DAAM1: variants seen among roughly 807,000 people sequenced by gnomAD.
DAAM1 encodes the protein disheveled-associated activator of morphogenesis 1.
Under a neutral mutation model 130.0 loss-of-function variants are expected in DAAM1, and 52 were observed. The observed-to-expected ratio is 0.40, with a 90% CI of 0.32 to 0.50. The LOEUF is 0.50. DAAM1 is among the 20% of genes least tolerant of loss of function. DAAM1 has a pLI of 0.61. For synonymous variants in DAAM1, 452 were observed against 444.5 expected (o/e 1.02, Z -0.21); for missense variants, 1,134 against 1,303.8 (o/e 0.87, Z 2.01).
intron 6 of DAAM1, among the ~76,000 whole-genome samples, chr14:59,323,680 T>C (rs1885103014): frequency 6.6e-6 from 1 of 152,200 alleles, no homozygotes. Flanking sequence ...TTTTTAGGAC[T>C]GTTCTTAAGG....
chr14:59,217,350 G>A (rs918238048), intron 1 of DAAM1, among the ~76,000 whole-genome samples: 3 of 152,100 alleles, frequency 2.0e-5, no homozygotes, highest in Non-Finnish European at 4.4e-5. Flanking sequence ...TACTGTGTCT[G>A]CATTACAATT....
chr14:59,348,269 T>C (rs1444078182), intron 17 of DAAM1, among the ~76,000 whole-genome samples: 13 of 152,226 alleles, frequency 8.5e-5, no homozygotes, highest in Admixed American at 8.5e-4. Flanking sequence ...CTTGTTATAA[T>C]TTTTATTATC....
At chr14:59,191,615 A>T (rs957755425) in intron 1 of DAAM1, among the ~76,000 whole-genome samples, 3 of 152,190 alleles carry the variant, frequency 2.0e-5, no homozygotes, top group African/African-American at 7.2e-5. Flanking sequence ...TGAAATAGAC[A>T]TATTTCCTAA....
At chr14:59,251,436 T>G (rs79971900) in intron 1 of DAAM1, among the ~76,000 whole-genome samples, 1 of 82,226 alleles carries the variant, frequency 1.2e-5, no homozygotes, top group Non-Finnish European at 3.1e-5. Flanking sequence ...CTCCGCCGTG[T>G]TTTTTTTTTT....
chr14:59,283,031 C>T (rs1312674161), intron 2 of DAAM1, among the ~76,000 whole-genome samples: 1 of 152,076 alleles, frequency 6.6e-6, no homozygotes, highest in East Asian at 1.9e-4. Flanking sequence ...TCAGCAGAAG[C>T]AGAAGTTATC....
At chr14:59,318,712 CAT>C (rs1380535829) in intron 4 of DAAM1, among the ~76,000 whole-genome samples, 2 of 152,062 alleles carry the variant, frequency 1.3e-5, no homozygotes, top group Admixed American at 6.6e-5. Context: ...AAAAATCACA[CAT>C]AGAAAATGTT....
At chr14:59,192,881 G>A (rs1005552776) in intron 1 of DAAM1, among the ~76,000 whole-genome samples, 2 of 152,190 alleles carry the variant, frequency 1.3e-5, no homozygotes, top group Admixed American at 6.5e-5. Flanking sequence ...GGGAAACCCC[G>A]TCTCTACTAA....
chr14:59,189,891 T>A (rs1166935649), intron 1 of DAAM1, among the ~76,000 whole-genome samples: 18 of 152,178 alleles, frequency 1.2e-4, no homozygotes, highest in Non-Finnish European at 1.5e-5. Flanking sequence ...ATGCCTGAAC[T>A]CCATTCCCCT....
chr14:59,236,918 A>G (rs1889322946), intron 1 of DAAM1, among the ~76,000 whole-genome samples: 1 of 152,318 alleles, frequency 6.6e-6, no homozygotes, highest in African/African-American at 2.4e-5. Context: ...GTAAGGGGCT[A>G]TGTAGTACAC....
chr14:59,350,454 G>A (rs1258104385), intron 17 of DAAM1, among the ~76,000 whole-genome samples: 1 of 38,586 alleles, frequency 2.6e-5, no homozygotes, highest in Admixed American at 3.8e-4. Flanking sequence ...TCATGCACAC[G>A]CCCCTTACAC....
chr14:59,348,266 T>C (rs997300149), intron 17 of DAAM1, among the ~76,000 whole-genome samples: 1 of 152,226 alleles, frequency 6.6e-6, no homozygotes, highest in African/African-American at 2.4e-5. Context: ...TATCTTGTTA[T>C]AATTTTTATT....
intron 1 of DAAM1, among the ~76,000 whole-genome samples, chr14:59,217,806 A>G (rs1436308923): frequency 6.6e-6 from 1 of 151,356 alleles, no homozygotes; most frequent in East Asian, 1.9e-4. Context: ...CTCTGTCTGT[A>G]CTAAAAAAAA....
intron 1 of DAAM1, among the ~76,000 whole-genome samples, chr14:59,213,316 G>T (rs1353967166): frequency 9.1e-6 from 1 of 109,498 alleles, no homozygotes; most frequent in Non-Finnish European, 1.7e-5. Context: ...TTCTCCATGA[G>T]ATTTCATTTG....
intron 22 of DAAM1, 53 bp downstream of exon 22, chr14:59,360,915 T>C: frequency 6.4e-7 from 1 of 1,553,230 alleles, no homozygotes; most frequent in Non-Finnish European, 8.8e-7. Flanking sequence ...CTATCTCTAG[T>C]GCTGGTGGTT....
In DAAM1 at chr14:59,330,539, C is replaced by T; in HGVS notation, c.1411C>T (p.Arg471Ter). 2.5e-6 allele frequency: 4 copies of T among 1,612,164 alleles called. No individual in the cohort carries two copies. Among genetic ancestry groups the T allele is most frequent in the Non-Finnish European group, 2.5e-6 (3 of 1,179,330 alleles). The change falls in exon 13 of 25, where the codon CGA becomes TGA. Residue 471 changes from arginine to a stop codon, truncating the protein, a stop_gained. Coordinates refer to ENST00000360909, the MANE Select transcript of DAAM1 (RefSeq NM_001270520.2). LOFTEE classifies it high-confidence loss of function. ...ELQQKLEKKE[R>*]ECDAKTQEKE... is the part of the protein sequence containing the mutation. Reference sequence around the variant, plus strand: ...ACAACAGAAACTGGAAAAGAAAGAACGAGAATGTGATGCTAAGACTCAAGA... The same window carrying T: ...ACAACAGAAACTGGAAAAGAAAGAATGAGAATGTGATGCTAAGACTCAAGA...
At chr14:59,189,207 C>A (rs1222849715) in intron 1 of DAAM1, among the ~76,000 whole-genome samples, 2 of 152,078 alleles carry the variant, frequency 1.3e-5, no homozygotes, top group Non-Finnish European at 2.9e-5. Context: ...AGAGGGAGAA[C>A]CCCGAGGCAG....
At chr14:59,196,989 C>A (rs1244647479) in intron 1 of DAAM1, among the ~76,000 whole-genome samples, 1 of 151,996 alleles carries the variant, frequency 6.6e-6, no homozygotes, top group Non-Finnish European at 1.5e-5. Flanking sequence ...GGCGCGATCT[C>A]GGCTCACTGC....
rs188082808 is a variant in DAAM1 at position 59,315,809 on chromosome 14, A to C, written c.345+458A>C. Among the ~76,000 whole-genome samples the C allele has an allele frequency of 1.3e-4, 20 of 152,304 alleles. No individual in the cohort carries two copies. In the East Asian group the frequency reaches 3.7e-3, roughly 28 times the overall value. On this transcript the variant is annotated intron_variant, in intron 4 of 24. Transcript: ENST00000360909. Reference sequence around the variant, plus strand: ...TGGCATCATGATTTTGCAGGGGACCAAGTACTCTTTACTCATATAATAGAT... The same window carrying C: ...TGGCATCATGATTTTGCAGGGGACCCAGTACTCTTTACTCATATAATAGAT...
intron 1 of DAAM1, among the ~76,000 whole-genome samples, chr14:59,204,887 T>C (rs1187104448): frequency 1.3e-5 from 2 of 152,030 alleles, no homozygotes; most frequent in Admixed American, 6.6e-5. Context: ...AATAAATAAG[T>C]AAATAAAAAT....
Sources: allele counts gnomAD v4.1 joint callset (sites outside exome capture counted in the v4.1 genomes callset), GRCh38; gene constraint gnomAD v4.1.1; transcripts MANE v1.5; gene names NCBI Gene and HGNC (gene_info 2026-07-23, HGNC 2026-07-21).